Variants in TTLL10 observed in about 807,000 individuals in gnomAD.
The protein encoded by TTLL10 is inactive polyglycylase TTLL10.
Under a neutral mutation model 69.0 loss-of-function variants are expected in TTLL10, and 61 were observed. The ratio of observed to expected loss-of-function variants is 0.88; its 90% CI spans 0.72 to 1.09. The LOEUF (loss-of-function observed/expected upper bound fraction) is 1.09, where lower values mean the gene tolerates loss of function less well. TTLL10 is among the 50% of genes least tolerant of loss of function. The pLI, the probability that TTLL10 is intolerant of heterozygous loss-of-function variation, is 0.00. For synonymous variants in TTLL10, 408 were observed against 393.3 expected (o/e 1.04, Z -0.44); for missense variants, 962 against 945.9 (o/e 1.02, Z -0.22).
rs372021267 is a variant in TTLL10, at chr1:1,179,669, C to T, written c.131C>T (p.Ala44Val). The part of the protein sequence containing the change: ...PRARVSGTIP[A>V]SRLHPAPASQ... ...CCCTGCCCTCCAGGGACCATCCCTG[C>T]GTCACGTCTGCACCCAGCACCGGCC... The change falls in exon 5 of 16, where the codon GCG (alanine) becomes GTG (valine). Residue 44 changes from alanine (A) to valine (V), a missense_variant. Coordinates refer to ENST00000379289, the MANE Select transcript of TTLL10 (RefSeq NM_001130045.2). 18 of 1,550,998 alleles carry T rather than the reference C, an allele frequency of 1.2e-5. No homozygotes were observed. Among genetic ancestry groups the T allele is most frequent in the Non-Finnish European group, 1.4e-5 (16 of 1,146,834 alleles).
In TTLL10 at chr1:1,185,246, C is replaced by A; in HGVS notation, c.1401+137C>A. 6.9e-7 allele frequency: 1 copy of A among 1,456,978 alleles called. No homozygotes were observed. The highest frequency in any genetic ancestry group is 9.0e-7 in the Non-Finnish European group (1 of 1,105,646). 90.3% of individuals were successfully genotyped at this position (1,456,978 alleles called of 1,614,324 possible). On this transcript the variant is annotated intron_variant, in intron 13 of 15. Coordinates refer to ENST00000379289, the MANE Select transcript of TTLL10 (RefSeq NM_001130045.2). This position sits in a 1 kb window ranked among gnomAD's most constrained non-coding sequence, Gnocchi z 6.1. ...TGAAGTGTGACCTGACCGTGTGGAACCAAACCCTTCCAGCGTCTCTGCTCA... is the reference window on the plus strand; with the variant it reads ...TGAAGTGTGACCTGACCGTGTGGAAACAAACCCTTCCAGCGTCTCTGCTCA...
rs1647121146 is a variant in TTLL10 at position 1,182,954 on chromosome 1, T to C, written c.995T>C (p.Val332Ala). ...TTCCTGCTCCGGAACCAGGAGGAAG[T>C]TGCCGCCCTGCAGGCCAAGACCCGG... The part of the protein sequence containing the change: ...GIFLLRNQEE[V>A]AALQAKTRSM... Residue 332 changes from valine (V) to alanine (A), a missense_variant, in exon 11 of 16, where the codon GTT (valine) becomes GCT (alanine). Physicochemically the swap from Val to Ala is moderately conservative, Grantham distance 64. Coordinates refer to ENST00000379289, the MANE Select transcript of TTLL10 (RefSeq NM_001130045.2). 1 of 1,603,078 alleles carries C rather than the reference T, an allele frequency of 6.2e-7. No homozygotes were observed. The highest frequency in any genetic ancestry group is 8.5e-7 in the Non-Finnish European group (1 of 1,175,496).
chr1:1,187,088 T>C (rs7545694), intron 13 of TTLL10, among the ~76,000 whole-genome samples: 38,030 of 150,936 alleles, frequency 0.25, 5,837 homozygotes, highest in East Asian at 0.73. Flanking sequence ...CCTCGTGATC[T>C]GCCCGCCTCG....
At chr1:1,186,769 T>C (rs1218982169) in intron 13 of TTLL10, among the ~76,000 whole-genome samples, 3 of 152,186 alleles carry the variant, frequency 2.0e-5, no homozygotes, top group African/African-American at 2.4e-5. Context: ...CAGCTATGTA[T>C]ATTCTTTAGA....
At chr1:1,176,443 A>C in intron 3 of TTLL10, 1 of 454,042 alleles carries the variant, frequency 2.2e-6, no homozygotes, top group South Asian at 1.6e-5. Context: ...CAGCTGCTGC[A>C]TCTTTTCCCT....
At chr1:1,190,700 G>GT (rs1230384330) in intron 13 of TTLL10, among the ~76,000 whole-genome samples, 2 of 151,854 alleles carry the variant, frequency 1.3e-5, no homozygotes, top group African/African-American at 4.8e-5. Context: ...TATGATTTCA[G>GT]TTTTTTCTTC....
At chr1:1,187,572 G>A (rs944650320) in intron 13 of TTLL10, among the ~76,000 whole-genome samples, 18 of 152,248 alleles carry the variant, frequency 1.2e-4, no homozygotes, top group Non-Finnish European at 1.9e-4. Flanking sequence ...GGAGGTAGCT[G>A]TGAGCCAAGA....
At chr1:1,196,312 T>G in intron 13 of TTLL10, 1 of 396,566 alleles carries the variant, frequency 2.5e-6, no homozygotes, top group Non-Finnish European at 4.7e-6. Flanking sequence ...ATTTTACGTA[T>G]CCCATTTGCT....
Position 1,196,670 on chromosome 1 carries a change from A to G in TTLL10, c.1472A>G (p.Tyr491Cys). Reference protein sequence around the residue: ...AKPKLDCKLGYFDLIGCDFLI... With the variant: ...AKPKLDCKLGCFDLIGCDFLI... ...CCCAAGCTGGACTGCAAGCTGGGTTACTTTGACCTCATTGGCTGTGACTTC... is the reference window on the plus strand; with the variant it reads ...CCCAAGCTGGACTGCAAGCTGGGTTGCTTTGACCTCATTGGCTGTGACTTC... Residue 491 changes from tyrosine (Y) to cysteine (C), a missense_variant, in exon 14 of 16, where the codon TAC (tyrosine) becomes TGC (cysteine). Coordinates refer to ENST00000379289, the MANE Select transcript of TTLL10 (RefSeq NM_001130045.2). 6.4e-7 allele frequency: 1 copy of G among 1,552,080 alleles called. No individual in the cohort carries two copies. Among genetic ancestry groups the G allele is most frequent in the Non-Finnish European group, 8.7e-7 (1 of 1,147,004 alleles).
At chr1:1,183,525 G>A (rs774507000) in intron 11 of TTLL10, among the ~76,000 whole-genome samples, 6 of 152,142 alleles carry the variant, frequency 3.9e-5, no homozygotes, top group Non-Finnish European at 8.8e-5. Context: ...GCCGTCTGCC[G>A]TCCCCAGCTT....
At chr1:1,192,284 G>C (rs775419765) in intron 13 of TTLL10, among the ~76,000 whole-genome samples, 34 of 152,350 alleles carry the variant, frequency 2.2e-4, no homozygotes, top group South Asian at 4.1e-4. Context: ...ATGATTATTA[G>C]ATCTTCTTGG....
In TTLL10 at chr1:1,179,749, C is replaced by T. The variant is rs553538124; in HGVS notation, c.199+12C>T. 3.6e-5 allele frequency: 55 copies of T among 1,543,548 alleles called. 1 individual carries two copies. Among genetic ancestry groups the T allele is most frequent in the Middle Eastern group, 1.7e-4 (1 of 5,918 alleles). On this transcript the variant is annotated intron_variant, in intron 5 of 15. Coordinates refer to ENST00000379289, the MANE Select transcript of TTLL10 (RefSeq NM_001130045.2). ...CCACTGCCCTGTTGGTGAGGAGGGTCGGAGGGGCGACCTCCCTGCCCCCTG... is the reference window on the plus strand; with the variant it reads ...CCACTGCCCTGTTGGTGAGGAGGGTTGGAGGGGCGACCTCCCTGCCCCCTG...
chr1:1,182,467 C>T (rs1341482848), intron 10 of TTLL10, 21 bp downstream of exon 10: 2 of 1,612,610 alleles, frequency 1.2e-6, no homozygotes, highest in African/African-American at 1.3e-5. Flanking sequence ...GCTGGCCGGA[C>T]ACCAGGCTGG....
intron 10 of TTLL10, 95 bp from the exon 11 acceptor site, chr1:1,182,781 G>C: frequency 6.9e-7 from 1 of 1,449,032 alleles, no homozygotes; most frequent in Non-Finnish European, 9.2e-7. Flanking sequence ...CCGGGCCGAG[G>C]GTCGCAGCCT....
At chr1:1,194,967 CTTTA>C (rs774118953) in intron 13 of TTLL10, among the ~76,000 whole-genome samples, 3 of 152,018 alleles carry the variant, frequency 2.0e-5, no homozygotes, top group Non-Finnish European at 4.4e-5. Flanking sequence ...GTCTCTGAGG[CTTTA>C]TTTTTCTTCC....
Position 1,181,959 on chromosome 1 carries a change from G to A in TTLL10, c.830+144G>A, listed in dbSNP as rs549869611. 1.1e-4 allele frequency: 86 copies of A among 798,510 alleles called. No individual in the cohort carries two copies. The highest frequency in any genetic ancestry group is 8.6e-4 in the African/African-American group (50 of 58,160). 49.5% of individuals were successfully genotyped at this position (798,510 alleles called of 1,614,324 possible). On this transcript the variant is annotated intron_variant, in intron 9 of 15. Transcript: ENST00000379289. This position sits in a 1 kb window ranked among gnomAD's most constrained non-coding sequence, Gnocchi z 4.6. The stretch of plus-strand genomic sequence containing the variant: ...GTCAGAGGTTCAGCCAGGCCAGGCC[G>A]AGATCCACGCTGACCCCCCAGTGCA...
At chr1:1,179,906 C>G in intron 5 of TTLL10, 128 bp from the exon 6 acceptor site, 3 of 1,437,488 alleles carry the variant, frequency 2.1e-6, no homozygotes, top group Non-Finnish European at 2.7e-6. Flanking sequence ...TGAACTTGAG[C>G]CCCAGACGGG....
rs1013651689 is a variant in TTLL10, at chr1:1,180,464, C to G, written c.507-19C>G. On this transcript the variant is annotated intron_variant, in intron 6 of 15. Coordinates refer to ENST00000379289, the MANE Select transcript of TTLL10 (RefSeq NM_001130045.2). ...CCTTGCCTCGGCCCCCAGGTCACCC[C>G]CGCCCCCACCCCTCGCAGCATCAGC... 59 of 1,537,862 alleles carry G rather than the reference C, an allele frequency of 3.8e-5. No individual in the cohort carries two copies. The highest frequency in any genetic ancestry group is 5.2e-5 in the Non-Finnish European group (59 of 1,137,574).
intron 13 of TTLL10, among the ~76,000 whole-genome samples, chr1:1,188,943 C>T (rs1647545595): frequency 6.6e-6 from 1 of 152,010 alleles, no homozygotes; most frequent in Admixed American, 6.6e-5. Flanking sequence ...TTTTAAATTT[C>T]CTTTTTGGAT....
Sources: gnomAD v4.1 joint callset for allele counts (sites outside exome capture counted in the v4.1 genomes callset) on GRCh38, gnomAD v4.1.1 for gene constraint, Gnocchi (gnomAD v3.1) non-coding constraint, MANE v1.5 for transcripts, NCBI Gene and HGNC (gene_info 2026-07-23, HGNC 2026-07-21) for gene names.